HTT: variants seen among roughly 807,000 people sequenced by gnomAD.
The protein encoded by HTT is huntington disease protein.
In HTT, 104 loss-of-function variants were observed where a neutral mutation model predicts 362.3. That is an observed-to-expected ratio of 0.29 (90% CI 0.24 to 0.34). HTT has a LOEUF of 0.34. HTT is among the 10% of genes least tolerant of loss of function. The pLI is 1.00. For synonymous variants in HTT, 1,577 were observed against 1,548.7 expected (o/e 1.02, Z -0.43); for missense variants, 3,301 against 3,928.6 (o/e 0.84, Z 4.27).
At chr4:3,130,124 A>G (rs1349326797) in intron 13 of HTT, 77 bp downstream of exon 13, 3 of 1,427,392 alleles carry the variant, frequency 2.1e-6, no homozygotes, top group Non-Finnish European at 2.8e-6. Flanking sequence ...CTTTGCTTCC[A>G]AGAAGAAGTC....
chr4:3,158,202 T>C (rs965874011), intron 28 of HTT, among the ~76,000 whole-genome samples: 2 of 152,204 alleles, frequency 1.3e-5, no homozygotes, highest in African/African-American at 4.8e-5. Context: ...TGGGCTGGTC[T>C]CAAGCTCCTG....
At chr4:3,142,700 G>A in intron 22 of HTT, 66 bp from the exon 23 acceptor site, 1 of 805,442 alleles carries the variant, frequency 1.2e-6, no homozygotes, top group Admixed American at 2.6e-5. Context: ...ACTTTTAAAT[G>A]CCATTTGATC....
At chr4:3,157,855 A>G (rs1717226439) in intron 28 of HTT, among the ~76,000 whole-genome samples, 2 of 152,128 alleles carry the variant, frequency 1.3e-5, no homozygotes, top group African/African-American at 4.8e-5. Flanking sequence ...GTTGTCCCCA[A>G]TAATGTTTAC....
At chr4:3,229,435 A>ACATGCACCACACACATGCCACATGTG (rs1721118071) in intron 59 of HTT, among the ~76,000 whole-genome samples, 3 of 148,688 alleles carry the variant, frequency 2.0e-5, no homozygotes, top group African/African-American at 7.5e-5. Flanking sequence ...ACAACCACAC[A>ACATGCACCACACACATGCCACATGTG]CATGCACCAC....
At chr4:3,138,773 A>C (rs770620039) in intron 21 of HTT, among the ~76,000 whole-genome samples, 1 of 152,032 alleles carries the variant, frequency 6.6e-6, no homozygotes, top group Non-Finnish European at 1.5e-5. Context: ...CACCACTGCC[A>C]GCTAATTTTT....
intron 1 of HTT, among the ~76,000 whole-genome samples, chr4:3,081,490 A>G (rs1403505033): frequency 2.0e-5 from 3 of 151,516 alleles, no homozygotes; most frequent in Non-Finnish European, 2.9e-5. Flanking sequence ...AAAAATATGC[A>G]GGTTATAGTT....
At chr4:3,152,179 A>C (rs1490526308) in intron 26 of HTT, among the ~76,000 whole-genome samples, 1 of 151,682 alleles carries the variant, frequency 6.6e-6, no homozygotes, top group Non-Finnish European at 1.5e-5. Context: ...GCTCACTGCA[A>C]CTTCTGCCTC....
At chr4:3,075,647 C>CGGGGGGGGGGGGGGGGGG (rs1560535774) in intron 1 of HTT, among the ~76,000 whole-genome samples, 54 of 61,670 alleles carry the variant, frequency 8.8e-4, no homozygotes, top group Non-Finnish European at 1.1e-3. Context: ...AGTGGCGGGG[C>CGGGGGGGGGGGGGGGGGG]AGGGGGGGGG....
intron 8 of HTT, among the ~76,000 whole-genome samples, chr4:3,117,720 C>G (rs1165069843): frequency 6.6e-6 from 1 of 152,000 alleles, no homozygotes; most frequent in Admixed American, 6.6e-5. Context: ...GTAGTCCCAG[C>G]TACTTGGGAG....
At chr4:3,135,141 T>A (rs1029077582) in intron 19 of HTT, among the ~76,000 whole-genome samples, 6 of 151,990 alleles carry the variant, frequency 3.9e-5, no homozygotes, top group South Asian at 2.1e-4. Flanking sequence ...CTTAAACTTT[T>A]AAAAAAATGT....
intron 27 of HTT, 121 bp from the exon 28 acceptor site, chr4:3,156,951 G>A (rs1578546590): frequency 1.3e-6 from 1 of 760,212 alleles, no homozygotes; most frequent in African/African-American, 1.8e-5. Flanking sequence ...AAGGTCAGAG[G>A]AAATACTTGA....
At chr4:3,105,562 T>C in intron 5 of HTT, 126 bp downstream of exon 5, 1 of 687,220 alleles carries the variant, frequency 1.5e-6, no homozygotes, top group Non-Finnish European at 2.7e-6. Flanking sequence ...GACCTTGCCC[T>C]GTTTATGTTT....
chr4:3,217,948 C>T lies in HTT; in HGVS notation c.7238C>T (p.Pro2413Leu), dbSNP rs1019233281. 2.5e-6 allele frequency: 4 copies of T among 1,607,132 alleles called. No individual in the cohort carries two copies. The highest frequency in any genetic ancestry group is 2.7e-5 in the African/African-American group (2 of 74,952). Residue 2413 changes from proline (P) to leucine (L), a missense_variant, in exon 52 of 67, where the codon CCA (proline) becomes CTA (leucine). Physicochemically the swap from Pro to Leu is moderately conservative, Grantham distance 98. Coordinates refer to ENST00000355072, the MANE Select transcript of HTT (RefSeq NM_001388492.1). ...PLVNSYTRVP[P>L]LVWKLGWSPK... ...GTCAACAGCTACACACGTGTGCCCC[C>T]ACTGGTGAGTCTGCTCGTTCCTTGC...
intron 23 of HTT, 121 bp from the exon 24 acceptor site, chr4:3,145,031 A>G: frequency 1.3e-6 from 1 of 778,790 alleles, no homozygotes; most frequent in South Asian, 1.5e-5. Context: ...TCCTGTGGTT[A>G]TCATACACAG....
chr4:3,103,810 G>A lies in HTT; in HGVS notation c.469-14G>A. 6.4e-7 allele frequency: 1 copy of A among 1,559,230 alleles called. No individual in the cohort carries two copies. The highest frequency in any genetic ancestry group is 8.8e-7 in the Non-Finnish European group (1 of 1,133,296). ...GGGATGTGTCTTCCATAAATCTCTT[G>A]TGATTTGTTGTAGGCTTTGATGGAT... On this transcript the variant is annotated splice_polypyrimidine_tract_variant and intron_variant, in intron 3 of 66. Coordinates refer to ENST00000355072, the MANE Select transcript of HTT (RefSeq NM_001388492.1).
intron 41 of HTT, among the ~76,000 whole-genome samples, chr4:3,201,923 TC>T (rs1469594205): frequency 9.9e-5 from 15 of 152,172 alleles, no homozygotes; most frequent in African/African-American, 3.1e-4. Context: ...TTGCAGAAAT[TC>T]CTGCTGCTTA....
intron 10 of HTT, among the ~76,000 whole-genome samples, chr4:3,124,759 C>T (rs969357803): frequency 1.2e-4 from 19 of 152,080 alleles, no homozygotes; most frequent in African/African-American, 4.3e-4. Context: ...TTTTGGGTTT[C>T]CTTTGCTCAT....
At chr4:3,194,661 G>A (rs1278121760) in intron 40 of HTT, among the ~76,000 whole-genome samples, 1 of 152,200 alleles carries the variant, frequency 6.6e-6, no homozygotes, top group African/African-American at 2.4e-5. Flanking sequence ...GTCGTGGGTG[G>A]TGGAGATGTG....
chr4:3,132,976 A>T, intron 18 of HTT, 65 bp downstream of exon 18: 4 of 1,180,996 alleles, frequency 3.4e-6, no homozygotes, highest in Non-Finnish European at 5.1e-6. Flanking sequence ...GCTACAATTA[A>T]AATTGGAGCT....
Sources: gnomAD v4.1 joint callset for allele counts (sites outside exome capture counted in the v4.1 genomes callset) on GRCh38, gnomAD v4.1.1 for gene constraint, MANE v1.5 for transcripts, NCBI Gene and HGNC (gene_info 2026-07-23, HGNC 2026-07-21) for gene names.